The following MSI2 variants were observed in gnomAD, a reference collection of about 807,000 sequenced individuals.
MSI2 encodes the protein musashi RNA binding protein 2.
Under a neutral mutation model 45.6 loss-of-function variants are expected in MSI2, and 17 were observed. The observed-to-expected ratio is 0.37, with a 90% CI of 0.26 to 0.56. MSI2 has a LOEUF of 0.56. Ranked by LOEUF, MSI2 falls within the 20% of genes least tolerant of loss-of-function variation. MSI2 has a pLI of 0.77. For missense variants in MSI2, 293 were observed against 444.2 expected, an observed-to-expected ratio of 0.66 and a Z score of 3.06; for synonymous variants, 156 against 158.2, an observed-to-expected ratio of 0.99 and a Z score of 0.11.
chr17:57,676,894 G>A, intron 12 of MSI2, 93 bp from the exon 13 acceptor site: 1 of 858,198 alleles, frequency 1.2e-6, no homozygotes, highest in Non-Finnish European at 2.0e-6. Context: ...GGCAACCACA[G>A]AACTAGTCCT....
intron 7 of MSI2, among the ~76,000 whole-genome samples, chr17:57,587,197 T>C (rs1453843609): frequency 6.6e-6 from 1 of 152,156 alleles, no homozygotes; most frequent in Non-Finnish European, 1.5e-5. Context: ...TGATATATTG[T>C]CTAGGAGCAT....
intron 6 of MSI2, among the ~76,000 whole-genome samples, chr17:57,526,332 C>A (rs1331277196): frequency 6.7e-6 from 1 of 149,658 alleles, no homozygotes; most frequent in African/African-American, 2.5e-5. Flanking sequence ...GTTGATGAGT[C>A]TTCATAGCCC....
intron 8 of MSI2, among the ~76,000 whole-genome samples, chr17:57,609,780 T>C (rs944118863): frequency 6.6e-6 from 1 of 152,228 alleles, no homozygotes; most frequent in Non-Finnish European, 1.5e-5. Flanking sequence ...GAAGCTGTTC[T>C]TGCAGAAGCT....
At chr17:57,369,471 T>C (rs1368216926) in intron 5 of MSI2, among the ~76,000 whole-genome samples, 1 of 152,248 alleles carries the variant, frequency 6.6e-6, no homozygotes, top group African/African-American at 2.4e-5. Flanking sequence ...TTAATAGGCA[T>C]GCTTAAATCT....
chr17:57,489,892 A>G (rs2085835028), intron 6 of MSI2, among the ~76,000 whole-genome samples: 1 of 152,108 alleles, frequency 6.6e-6, no homozygotes, highest in Non-Finnish European at 1.5e-5. Context: ...GGCACTGCAA[A>G]CTCATGTTTT....
chr17:57,447,251 T>C (rs893602249), intron 6 of MSI2, among the ~76,000 whole-genome samples: 1 of 152,132 alleles, frequency 6.6e-6, no homozygotes, highest in African/African-American at 2.4e-5. Context: ...CATGCTCAGC[T>C]GGTTTGTTTT....
intron 11 of MSI2, among the ~76,000 whole-genome samples, chr17:57,656,892 G>A (rs1168971622): frequency 1.3e-5 from 2 of 152,232 alleles, no homozygotes; most frequent in African/African-American, 4.8e-5. Flanking sequence ...CAAGCCATAA[G>A]GGAGTGCCAG....
At chr17:57,393,278 C>T (rs537473429) in intron 5 of MSI2, among the ~76,000 whole-genome samples, 1 of 152,296 alleles carries the variant, frequency 6.6e-6, no homozygotes, top group African/African-American at 2.4e-5. Flanking sequence ...AGATGCTGAA[C>T]TATTGAGTAT....
intron 9 of MSI2, chr17:57,618,030 C>T (rs1037467339): frequency 3.3e-5 from 5 of 151,782 alleles, no homozygotes; most frequent in Non-Finnish European, 7.4e-5. Context: ...AAGATTGTGC[C>T]ACTGCACTCC....
chr17:57,294,547 G>A (rs1394949522), intron 5 of MSI2: 1 of 152,252 alleles, frequency 6.6e-6, no homozygotes, highest in East Asian at 1.9e-4. Flanking sequence ...GTGAAGAAGT[G>A]AGTCTGAGTT....
intron 5 of MSI2, among the ~76,000 whole-genome samples, chr17:57,384,287 A>C (rs1202009932): frequency 6.6e-6 from 1 of 152,006 alleles, no homozygotes; most frequent in Non-Finnish European, 1.5e-5. Context: ...TCAAGGGGAG[A>C]CATGATGGCA....
chr17:57,647,438 G>C (rs1910761018), intron 10 of MSI2, among the ~76,000 whole-genome samples: 1 of 141,734 alleles, frequency 7.1e-6, no homozygotes, highest in African/African-American at 2.7e-5. Context: ...ATCAGAGTGA[G>C]ACTCTGTCTC....
At chr17:57,286,674 G>T (rs1000364191) in intron 5 of MSI2, among the ~76,000 whole-genome samples, 2 of 152,014 alleles carry the variant, frequency 1.3e-5, no homozygotes, top group African/African-American at 4.8e-5. Flanking sequence ...AGGCCCCAAG[G>T]TCGCTTGTCT....
chr17:57,598,817 C>T (rs560015759), intron 8 of MSI2, among the ~76,000 whole-genome samples: 1 of 152,304 alleles, frequency 6.6e-6, no homozygotes, highest in East Asian at 1.9e-4. Flanking sequence ...CATGTGCCAG[C>T]ACACCCAGCT....
chr17:57,422,652 C>T (rs1458441356), intron 6 of MSI2, among the ~76,000 whole-genome samples: 2 of 152,212 alleles, frequency 1.3e-5, no homozygotes, highest in Non-Finnish European at 2.9e-5. Context: ...CTCCAGCCAT[C>T]ATTGTCACCG....
chr17:57,700,598 G>T, the MSI2 span, among the ~76,000 whole-genome samples: 1 of 152,172 alleles, frequency 6.6e-6, no homozygotes, highest in African/African-American at 2.4e-5. Context: ...AGCAATGAAT[G>T]ACCCTATCAA....
At chr17:57,565,445 G>A (rs897639262) in intron 7 of MSI2, among the ~76,000 whole-genome samples, 3 of 152,154 alleles carry the variant, frequency 2.0e-5, no homozygotes, top group Admixed American at 6.5e-5. Flanking sequence ...TGGAATGTCC[G>A]TCCCTGCCCC....
At chr17:57,685,989 G>A (rs1230699261), downstream of MSI2, among the ~76,000 whole-genome samples, 1 of 152,242 alleles carries the variant, frequency 6.6e-6, no homozygotes, top group South Asian at 2.1e-4. Context: ...TATATGCCAA[G>A]TGGATCATAC....
intron 7 of MSI2, among the ~76,000 whole-genome samples, chr17:57,555,483 A>AC (rs1420983360): frequency 6.6e-6 from 1 of 151,740 alleles, no homozygotes; most frequent in Non-Finnish European, 1.5e-5. Context: ...CGCAGCAGGG[A>AC]CCCCAGCAGC....
Sources: allele counts gnomAD v4.1 joint callset (sites outside exome capture counted in the v4.1 genomes callset), GRCh38; gene constraint gnomAD v4.1.1; transcripts MANE v1.5; gene names NCBI Gene and HGNC (gene_info 2026-07-23, HGNC 2026-07-21).